Variants in DPP6 observed in about 807,000 individuals in gnomAD.
DPP6 encodes the protein A-type potassium channel modulatory protein DPP6.
Under a neutral mutation model 122.6 loss-of-function variants are expected in DPP6, and 69 were observed. The ratio of observed to expected loss-of-function variants is 0.56; its 90% CI spans 0.46 to 0.69. The LOEUF (loss-of-function observed/expected upper bound fraction) is 0.69. Ranked by LOEUF, DPP6 falls within the 30% of genes least tolerant of loss-of-function variation. The pLI is 0.00. For synonymous variants in DPP6, 418 were observed against 433.1 expected (o/e 0.97, Z 0.43); for missense variants, 928 against 1,116.9 (o/e 0.83, Z 2.41).
At chr7:153,928,396 A>ATGTTT (rs1275067491) in intron 1 of DPP6, among the ~76,000 whole-genome samples, 10 of 43,696 alleles carry the variant, frequency 2.3e-4, no homozygotes, top group African/African-American at 7.9e-4. Flanking sequence ...CTTTTCTTTC[A>ATGTTT]TTTTTTTTTT....
At chr7:154,648,667 C>T (rs1836663865) in intron 6 of DPP6, among the ~76,000 whole-genome samples, 1 of 152,230 alleles carries the variant, frequency 6.6e-6, no homozygotes, top group African/African-American at 2.4e-5. Flanking sequence ...CATCTGTAAT[C>T]CCAGCACTTT....
At chr7:153,992,925 C>A (rs1797248275) in intron 1 of DPP6, among the ~76,000 whole-genome samples, 2 of 151,954 alleles carry the variant, frequency 1.3e-5, no homozygotes, top group Admixed American at 1.3e-4. Context: ...AGGTCCCATA[C>A]CTTCTTTTTC....
intron 16 of DPP6, among the ~76,000 whole-genome samples, chr7:154,831,577 AGTTTAT>A (rs1161373407): frequency 1.3e-5 from 2 of 152,178 alleles, no homozygotes; most frequent in African/African-American, 2.4e-5. Context: ...GTGACGTGAC[AGTTTAT>A]GAATGTTACA....
chr7:154,121,783 T>C (rs1807488672), intron 1 of DPP6, among the ~76,000 whole-genome samples: 1 of 152,252 alleles, frequency 6.6e-6, no homozygotes, highest in South Asian at 2.1e-4. Flanking sequence ...TAATCCCTAA[T>C]ATACCTCGCT....
intron 16 of DPP6, among the ~76,000 whole-genome samples, chr7:154,832,474 T>A (rs1020970312): frequency 6.6e-6 from 1 of 152,172 alleles, no homozygotes; most frequent in Non-Finnish European, 1.5e-5. Context: ...TGGAAGCTGC[T>A]GGAAGCCCAG....
chr7:153,879,994 A>G, the DPP6 span, among the ~76,000 whole-genome samples: 8 of 152,190 alleles, frequency 5.3e-5, no homozygotes, highest in Non-Finnish European at 5.9e-5. Flanking sequence ...CTTTTGAAAT[A>G]AATATATACA....
intron 1 of DPP6, among the ~76,000 whole-genome samples, chr7:154,000,344 G>A (rs1391705052): frequency 2.0e-5 from 3 of 152,222 alleles, no homozygotes; most frequent in Admixed American, 6.5e-5. Flanking sequence ...TGCGGATTGG[G>A]GGCCAGCTGC....
chr7:154,634,642 T>TTCC (rs137927151), intron 5 of DPP6, among the ~76,000 whole-genome samples: 3 of 151,128 alleles, frequency 2.0e-5, no homozygotes, highest in South Asian at 2.1e-4. Flanking sequence ...CCTCCTCTTC[T>TTCC]TCCTCCTCCT....
Position 154,248,605 on chromosome 7 carries a change from C to T in DPP6, c.243+195542C>T, listed in dbSNP as rs534641719. Among the ~76,000 whole-genome samples, 3 of 152,302 alleles carry T rather than the reference C, an allele frequency of 2.0e-5. No individual in the cohort carries two copies. In the South Asian group the frequency reaches 6.2e-4, roughly 32 times the overall value. ...ATTAGGCTGGGCGCCGTGGCTCACA[C>T]CTGTAATCCCAGCACTTTGGGAGGC... On this transcript the variant is annotated intron_variant, in intron 1 of 25. Transcript: ENST00000377770.
chr7:154,378,480 T>G (rs1813311764), intron 1 of DPP6, among the ~76,000 whole-genome samples: 1 of 152,232 alleles, frequency 6.6e-6, no homozygotes, highest in Admixed American at 6.5e-5. Flanking sequence ...CATACAATTC[T>G]GGTGGATGGG....
chr7:154,472,663 C>A (rs1330967116), intron 2 of DPP6, among the ~76,000 whole-genome samples: 4 of 152,152 alleles, frequency 2.6e-5, no homozygotes, highest in Non-Finnish European at 5.9e-5. Flanking sequence ...GTCATTATCT[C>A]AGATGATTTT....
At chr7:154,588,062 C>A (rs769763674) in intron 5 of DPP6, 2 of 1,607,456 alleles carry the variant, frequency 1.2e-6, no homozygotes, top group Non-Finnish European at 8.5e-7. Context: ...AGGCAGATTT[C>A]GGGCCAGAGA....
Position 154,257,678 on chromosome 7 carries a change from C to G in DPP6, c.244-188536C>G, listed in dbSNP as rs942427238. On this transcript the variant is annotated intron_variant, in intron 1 of 25. Transcript: ENST00000377770. ...CGCCACTGCACTCCAGCCTGGGCAA[C>G]AAGAGTGAAAACTCCATTTCAAAAA... 2.6e-5 allele frequency among the ~76,000 whole-genome samples: 4 copies of G among 152,012 alleles called. No homozygotes were observed. The South Asian group carries it at 8.3e-4, about 31-fold the overall frequency.
chr7:154,690,672 C>G (rs550839275), intron 7 of DPP6, among the ~76,000 whole-genome samples: 133 of 152,298 alleles, frequency 8.7e-4, no homozygotes, highest in Non-Finnish European at 1.6e-3. Context: ...ATCTTCTCCC[C>G]ATCTTCCCCT....
At chr7:153,937,527 A>C (rs1320382011) in intron 1 of DPP6, among the ~76,000 whole-genome samples, 1 of 143,024 alleles carries the variant, frequency 7.0e-6, no homozygotes, top group Non-Finnish European at 1.5e-5. Flanking sequence ...CGCCCACTGC[A>C]ACCTCTCCCT....
intron 1 of DPP6, among the ~76,000 whole-genome samples, chr7:154,030,152 C>T (rs1402565850): frequency 2.0e-5 from 3 of 152,150 alleles, no homozygotes; most frequent in Admixed American, 6.5e-5. Context: ...GCCATGTTAG[C>T]ACCACCGCAT....
chr7:153,956,007 C>T (rs1407439356), intron 1 of DPP6, among the ~76,000 whole-genome samples: 4 of 152,170 alleles, frequency 2.6e-5, no homozygotes, highest in Non-Finnish European at 4.4e-5. Context: ...TATAAAGGTG[C>T]GTGAGAAGCA....
chr7:154,568,021 A>C (rs1830870883), intron 5 of DPP6, among the ~76,000 whole-genome samples: 1 of 152,162 alleles, frequency 6.6e-6, no homozygotes, highest in Admixed American at 6.5e-5. Flanking sequence ...CCATTCTATA[A>C]AGGTTTTCAT....
At chr7:154,015,869 C>CAT (rs1265420433) in intron 1 of DPP6, among the ~76,000 whole-genome samples, 10 of 152,078 alleles carry the variant, frequency 6.6e-5, no homozygotes, top group African/African-American at 1.9e-4. Context: ...CCTGTTGAAA[C>CAT]AAGTCAGATC....
Sources: gnomAD v4.1 joint callset for allele counts (sites outside exome capture counted in the v4.1 genomes callset) on GRCh38, gnomAD v4.1.1 for gene constraint, MANE v1.5 for transcripts, NCBI Gene and HGNC (gene_info 2026-07-23, HGNC 2026-07-21) for gene names.